Variants in JARID2 observed in about 807,000 individuals in gnomAD.
The protein encoded by JARID2 is jumonji and AT-rich interaction domain containing 2, also known as protein Jumonji.
Under a neutral mutation model 125.6 loss-of-function variants are expected in JARID2, and 21 were observed. The ratio of observed to expected loss-of-function variants is 0.17; its 90% CI spans 0.12 to 0.24. The LOEUF (loss-of-function observed/expected upper bound fraction) is 0.24, where lower values mean the gene tolerates loss of function less well. JARID2 is among the 10% of genes least tolerant of loss of function. JARID2 has a pLI of 1.00. For synonymous variants in JARID2, 736 were observed against 661.6 expected (o/e 1.11, Z -1.73); for missense variants, 1,303 against 1,639.6 (o/e 0.79, Z 3.55).
intron 8 of JARID2, among the ~76,000 whole-genome samples, chr6:15,502,663 C>G (rs1399094992): frequency 6.6e-6 from 1 of 152,210 alleles, no homozygotes; most frequent in African/African-American, 2.4e-5. Context: ...ACTTTAAGTC[C>G]AGGCCCTGCA....
chr6:15,249,007 G>C (rs1162500286), intron 1 of JARID2: 1 of 963,726 alleles, frequency 1.0e-6, no homozygotes, highest in Non-Finnish European at 1.2e-6. Context: ...AGTGCCACTG[G>C]ACCCTGTTCT....
At chr6:15,517,103 C>G in intron 16 of JARID2, 58 bp from the exon 17 acceptor site, 1 of 1,341,616 alleles carries the variant, frequency 7.5e-7, no homozygotes, top group Admixed American at 1.7e-5. Flanking sequence ...CTACCTTACC[C>G]TCCCAGGGCG....
intron 3 of JARID2, among the ~76,000 whole-genome samples, chr6:15,427,143 A>G (rs759008134): frequency 6.6e-6 from 1 of 152,128 alleles, no homozygotes; most frequent in Non-Finnish European, 1.5e-5. Context: ...CTGTCTCTAG[A>G]GAGGTCTTAT....
chr6:15,482,379 A>G (rs1375719775), intron 5 of JARID2, among the ~76,000 whole-genome samples: 1 of 152,242 alleles, frequency 6.6e-6, no homozygotes, highest in East Asian at 1.9e-4. Flanking sequence ...ATCAGCTTTA[A>G]TTCTCATATC....
intron 5 of JARID2, among the ~76,000 whole-genome samples, chr6:15,482,179 A>C (rs577431914): frequency 6.6e-6 from 1 of 152,316 alleles, no homozygotes; most frequent in East Asian, 1.9e-4. Context: ...GTGATTTATC[A>C]CCGAACAGGT....
chr6:15,498,607 T>A (rs1049931900), intron 7 of JARID2, among the ~76,000 whole-genome samples: 2 of 152,234 alleles, frequency 1.3e-5, no homozygotes, highest in South Asian at 4.1e-4. Context: ...CATGGAGACG[T>A]GTAGCCATCA....
intron 1 of JARID2, among the ~76,000 whole-genome samples, chr6:15,298,669 G>C (rs1761496079): frequency 6.9e-6 from 1 of 145,646 alleles, no homozygotes; most frequent in Non-Finnish European, 1.5e-5. Flanking sequence ...AACAGAGTGA[G>C]ACTCCATCTC....
At chr6:15,416,054 G>A (rs1298674412) in intron 3 of JARID2, among the ~76,000 whole-genome samples, 7 of 152,050 alleles carry the variant, frequency 4.6e-5, no homozygotes, top group African/African-American at 1.2e-4. Flanking sequence ...CAGACGGGGC[G>A]GCGGGGCAGA....
intron 5 of JARID2, among the ~76,000 whole-genome samples, chr6:15,484,201 G>GTA (rs370572505): frequency 6.6e-6 from 1 of 151,846 alleles, no homozygotes; most frequent in African/African-American, 2.4e-5. Context: ...TTTCAGTGTT[G>GTA]TATTTCTTTT....
Position 15,406,365 on chromosome 6 carries a change from C to T in JARID2, c.182-3859C>T, listed in dbSNP as rs190222300. 1.5e-3 allele frequency among the ~76,000 whole-genome samples: 225 copies of T among 152,266 alleles called. 2 individuals carry two copies. Among genetic ancestry groups the T allele is most frequent in the Admixed American group, 0.013 (196 of 15,294 alleles). Reference sequence around the variant, plus strand: ...AGGAGCACTGCTTGAACCTGGGAGGCGGAGGTTGCAGTGAGCCAAGATTGT... The same window carrying T: ...AGGAGCACTGCTTGAACCTGGGAGGTGGAGGTTGCAGTGAGCCAAGATTGT... On this transcript the variant is annotated intron_variant, in intron 2 of 17. Coordinates refer to ENST00000341776, the MANE Select transcript of JARID2 (RefSeq NM_004973.4).
At chr6:15,411,413 CT>C (rs1324764685) in intron 3 of JARID2, among the ~76,000 whole-genome samples, 2 of 152,174 alleles carry the variant, frequency 1.3e-5, no homozygotes, top group African/African-American at 4.8e-5. Flanking sequence ...AGGGTGTCGT[CT>C]TTTAAATAGC....
At chr6:15,492,496 A>G (rs565523252) in intron 6 of JARID2, among the ~76,000 whole-genome samples, 3 of 152,318 alleles carry the variant, frequency 2.0e-5, no homozygotes, top group African/African-American at 7.2e-5. Flanking sequence ...GCCTTCCTCC[A>G]TTCTTCTGTT....
At chr6:15,461,248 T>C (rs561150561) in intron 4 of JARID2, among the ~76,000 whole-genome samples, 42 of 152,316 alleles carry the variant, frequency 2.8e-4, no homozygotes, top group Admixed American at 3.9e-4. Flanking sequence ...ACAAAGATGC[T>C]AGATTAGCGT....
At position 15,429,266 on chromosome 6, in the gene JARID2, C is replaced by CT. The variant is rs898209605; in HGVS notation, c.323+18913dup. Reference sequence around the variant, plus strand: ...TAGGAAAAGGAATCTTTTTCTTGTTCTTTTTTTTTTTTGAGGTAGTTGTGG... The same window carrying CT: ...TAGGAAAAGGAATCTTTTTCTTGTTCTTTTTTTTTTTTTGAGGTAGTTGTGG... On this transcript the variant is annotated intron_variant, in intron 3 of 17. Transcript: ENST00000341776. Among the ~76,000 whole-genome samples, 447 of 144,702 alleles carry CT rather than the reference C, an allele frequency of 3.1e-3. 1 individual carries two copies. The highest frequency in any genetic ancestry group is 7.0e-3 in the East Asian group (35 of 4,992). 94.9% of individuals were successfully genotyped at this position (144,702 alleles called of 152,430 possible).
intron 3 of JARID2, among the ~76,000 whole-genome samples, chr6:15,433,410 CTGTGTGTGTGTGTGTG>C (rs57296791): frequency 1.1e-4 from 16 of 143,524 alleles, no homozygotes; most frequent in Middle Eastern, 3.4e-3. Flanking sequence ...CCATGTCTCT[CTGTGTGTGTGTGTGTG>C]TGTGTGTGTG....
chr6:15,374,367 C>A, intron 2 of JARID2, 115 bp downstream of exon 2: 1 of 1,072,654 alleles, frequency 9.3e-7, no homozygotes, highest in Non-Finnish European at 1.4e-6. Context: ...CACCTAAAGG[C>A]AGTCTGTAGG....
rs74570512 is a variant in JARID2 at position 15,423,220 on chromosome 6, G to A, written c.323+12855G>A. Among the ~76,000 whole-genome samples the A allele has an allele frequency of 7.0e-3, 1,071 of 151,992 alleles. 14 individuals carry two copies. Among genetic ancestry groups the A allele is most frequent in the African/African-American group, 0.025 (1,028 of 41,434 alleles). On this transcript the variant is annotated intron_variant, in intron 3 of 17. Transcript: ENST00000341776. The stretch of plus-strand genomic sequence containing the variant: ...TCACCATGTTGCTCAGGCTGGTCTC[G>A]AACTCCTGGGCTTGGTTGATCTGCC...
At chr6:15,449,200 T>TC (rs987950888) in intron 3 of JARID2, among the ~76,000 whole-genome samples, 1 of 152,120 alleles carries the variant, frequency 6.6e-6, no homozygotes, top group African/African-American at 2.4e-5. Context: ...CTCTCTTTGT[T>TC]CCCCATGACA....
chr6:15,503,004 T>G (rs1009647959), intron 8 of JARID2, among the ~76,000 whole-genome samples: 1 of 152,262 alleles, frequency 6.6e-6, no homozygotes, highest in African/African-American at 2.4e-5. Flanking sequence ...TACTTTTTAC[T>G]GAAGGAGGCC....
Sources: allele counts gnomAD v4.1 joint callset (sites outside exome capture counted in the v4.1 genomes callset), GRCh38; gene constraint gnomAD v4.1.1; transcripts MANE v1.5; gene names NCBI Gene and HGNC (gene_info 2026-07-23, HGNC 2026-07-21).